TSC22D1: variants seen among roughly 807,000 people sequenced by gnomAD.
The protein encoded by TSC22D1 is TSC22 domain family protein 1.
In TSC22D1, 9 loss-of-function variants were observed where a neutral mutation model predicts 74.2. That is an observed-to-expected ratio of 0.12 (90% confidence interval 0.07 to 0.21). The LOEUF (loss-of-function observed/expected upper bound fraction) is 0.21. Among genes scored for constraint, TSC22D1 ranks in the 10% least tolerant of loss-of-function variants. The pLI is 1.00. For missense variants in TSC22D1, 1,427 were observed against 1,304.7 expected (o/e 1.09, Z -1.44); for synonymous variants, 586 against 492.5 (o/e 1.19, Z -2.51).
At chr13:44,557,137 C>A (rs1882699018) in intron 1 of TSC22D1, among the ~76,000 whole-genome samples, 1 of 143,916 alleles carries the variant, frequency 6.9e-6, no homozygotes. Flanking sequence ...GGTAGAAACT[C>A]AGTCTCAAAG....
rs4942339 is a variant in TSC22D1, at chr13:44,538,693, A to G, written c.2912+34470T>C. 424 of 985,390 alleles carry G rather than the reference A, an allele frequency of 4.3e-4. 5 individuals carry two copies. The Admixed American group carries it at 0.019, about 44-fold the overall frequency. 61.0% of individuals were successfully genotyped at this position (985,390 alleles called of 1,614,324 possible). ...TTCAGACCAAAAGTAAACCAGAGTAATTCTTAAAAGTTTATAAATGACAAG... is the reference window on the plus strand; with the variant it reads ...TTCAGACCAAAAGTAAACCAGAGTAGTTCTTAAAAGTTTATAAATGACAAG... On this transcript the variant is annotated intron_variant, in intron 1 of 2. Coordinates refer to ENST00000458659, the MANE Select transcript of TSC22D1 (RefSeq NM_183422.4).
At chr13:44,517,855 A>ATTTTTTTTTTTTTT in intron 1 of TSC22D1, among the ~76,000 whole-genome samples, 1 of 23,540 alleles carries the variant, frequency 4.2e-5, no homozygotes, top group Non-Finnish European at 1.1e-4. Context: ...ATATATATAT[A>ATTTTTTTTTTTTTT]TATTTTTTTT....
At chr13:44,563,944 C>T (rs1248196367) in intron 1 of TSC22D1, among the ~76,000 whole-genome samples, 1 of 152,174 alleles carries the variant, frequency 6.6e-6, no homozygotes, top group East Asian at 1.9e-4. Flanking sequence ...ATAACTGCCA[C>T]ATGCATACAT....
intron 1 of TSC22D1, among the ~76,000 whole-genome samples, chr13:44,524,380 C>G (rs1294424745): frequency 6.6e-6 from 1 of 151,968 alleles, no homozygotes; most frequent in Non-Finnish European, 1.5e-5. Flanking sequence ...AAGAAACAAG[C>G]AAATACAGAA....
intron 1 of TSC22D1, chr13:44,436,765 C>CT: frequency 6.8e-7 from 1 of 1,474,368 alleles, no homozygotes; most frequent in Admixed American, 2.5e-5. Flanking sequence ...AGAAACCCAG[C>CT]TTCTAGGGCT....
chr13:44,554,814 T>C (rs780511736), intron 1 of TSC22D1, among the ~76,000 whole-genome samples: 9 of 152,100 alleles, frequency 5.9e-5, no homozygotes, highest in Non-Finnish European at 8.8e-5. Context: ...CAAATTATTA[T>C]CACCAAATCC....
intron 1 of TSC22D1, among the ~76,000 whole-genome samples, chr13:44,443,674 G>A (rs1875384963): frequency 6.6e-6 from 1 of 152,084 alleles, no homozygotes; most frequent in Non-Finnish European, 1.5e-5. Flanking sequence ...GCAACATACT[G>A]AGGCTCTGTC....
Position 44,443,138 on chromosome 13 carries a change from T to C in TSC22D1, c.2913-7043A>G, listed in dbSNP as rs549529671. Among the ~76,000 whole-genome samples the C allele has an allele frequency of 1.5e-4, 23 of 151,486 alleles. No individual in the cohort carries two copies. In the South Asian group the frequency reaches 4.8e-3, roughly 32 times the overall value. On this transcript the variant is annotated intron_variant, in intron 1 of 2. Transcript: ENST00000458659. ...GCTAAACAAACCCCAAACAAGAGAA[T>C]TGTGAAGAAGTCGACAAGGTGTATC...
At chr13:44,493,140 A>C (rs1210315544) in intron 1 of TSC22D1, among the ~76,000 whole-genome samples, 14 of 152,242 alleles carry the variant, frequency 9.2e-5, no homozygotes, top group Admixed American at 9.2e-4. Flanking sequence ...AAAGGTTTAC[A>C]GCAACTAAGT....
At chr13:44,475,128 G>GT (rs1243570879) in intron 1 of TSC22D1, among the ~76,000 whole-genome samples, 3 of 151,794 alleles carry the variant, frequency 2.0e-5, no homozygotes, top group Admixed American at 2.0e-4. Context: ...AAGCAGAATG[G>GT]TATTAATTAT....
In TSC22D1 at chr13:44,545,901, C is replaced by G. The variant is rs550165566; in HGVS notation, c.2912+27262G>C. On this transcript the variant is annotated intron_variant, in intron 1 of 2. Transcript: ENST00000458659. Reference sequence around the variant, plus strand: ...CTGAAGCACAAGAATCACTTGAATCCAGCAGGCAAAGGTTGCAGTGAGCCA... The same window carrying G: ...CTGAAGCACAAGAATCACTTGAATCGAGCAGGCAAAGGTTGCAGTGAGCCA... Among the ~76,000 whole-genome samples the G allele has an allele frequency of 4.6e-5, 7 of 152,034 alleles. 1 individual carries two copies. In the South Asian group the frequency reaches 1.5e-3, roughly 32 times the overall value.
intron 1 of TSC22D1, among the ~76,000 whole-genome samples, chr13:44,487,498 C>CAAAGAAA (rs1878490734): frequency 4.3e-5 from 1 of 23,460 alleles, no homozygotes. Flanking sequence ...GACTCCATCT[C>CAAAGAAA]AAAAAAAAAA....
chr13:44,476,197 T>C (rs1877900649), intron 1 of TSC22D1, among the ~76,000 whole-genome samples: 1 of 152,230 alleles, frequency 6.6e-6, no homozygotes. Context: ...ATTATTGACA[T>C]ATACATAAAT....
intron 1 of TSC22D1, chr13:44,436,805 T>TGCC: frequency 7.1e-7 from 1 of 1,401,358 alleles, no homozygotes; most frequent in Non-Finnish European, 9.2e-7. Flanking sequence ...CGGATCCCAG[T>TGCC]GCCGTGAAGA....
intron 1 of TSC22D1, among the ~76,000 whole-genome samples, chr13:44,507,524 T>C (rs748319830): frequency 1.2e-4 from 19 of 152,132 alleles, no homozygotes; most frequent in Non-Finnish European, 2.2e-4. Context: ...TAGCCCCCTA[T>C]AGCTAACACA....
chr13:44,549,909 T>G (rs540676278), intron 1 of TSC22D1, among the ~76,000 whole-genome samples: 1 of 152,216 alleles, frequency 6.6e-6, no homozygotes, highest in Admixed American at 6.5e-5. Context: ...CAGAAAAATT[T>G]TAAATGTCCA....
chr13:44,551,389 G>GGTGT (rs376368576), intron 1 of TSC22D1, among the ~76,000 whole-genome samples: 4,846 of 125,246 alleles, frequency 0.039, 115 homozygotes, highest in Middle Eastern at 0.1. Context: ...CAATCAGATG[G>GGTGT]GTGTGTGTGT....
chr13:44,539,190 C>T (rs1012797262), intron 1 of TSC22D1: 37 of 985,226 alleles, frequency 3.8e-5, no homozygotes, highest in Non-Finnish European at 4.5e-5. Context: ...GATACTGTAT[C>T]CTGAAACTTA....
upstream of TSC22D1, chr13:44,576,336 C>A: frequency 2.1e-6 from 1 of 483,162 alleles, no homozygotes; most frequent in Non-Finnish European, 3.7e-6. Context: ...ACTTTCCCCT[C>A]TAGCCTCACA....
Sources: allele counts gnomAD v4.1 joint callset (sites outside exome capture counted in the v4.1 genomes callset), GRCh38; gene constraint gnomAD v4.1.1; transcripts MANE v1.5; gene names NCBI Gene and HGNC (gene_info 2026-07-23, HGNC 2026-07-21).